The following CACNA1I variants were observed in gnomAD, a reference collection of about 807,000 sequenced individuals.
CACNA1I encodes voltage-dependent T-type calcium channel subunit alpha-1I.
A neutral mutation model predicts 201.6 loss-of-function variants in CACNA1I; 74 were observed. The ratio of observed to expected loss-of-function variants is 0.37; its 90% CI spans 0.30 to 0.45. CACNA1I has a LOEUF of 0.45. CACNA1I is among the 20% of genes least tolerant of loss of function. CACNA1I has a pLI of 1.00. For synonymous variants in CACNA1I, 1,431 were observed against 1,345.2 expected, an observed-to-expected ratio of 1.06 and a Z score of -1.40; for missense variants, 2,346 against 3,138.1, an observed-to-expected ratio of 0.75 and a Z score of 6.03.
rs1371908827 is a variant in CACNA1I, at chr22:39,685,458, G to A, written c.6028-303G>A. Among the ~76,000 whole-genome samples the A allele has an allele frequency of 6.6e-6, 1 of 151,926 alleles. No homozygotes were observed. The highest frequency in any genetic ancestry group is 1.5e-5 in the Non-Finnish European group (1 of 67,920). On this transcript the variant is annotated intron_variant, in intron 36 of 36. Coordinates refer to ENST00000402142, the MANE Select transcript of CACNA1I (RefSeq NM_021096.4). The surrounding 1 kb of genome is among the most constrained non-coding windows in gnomAD (Gnocchi z 5.0). ...GTGCGGTGGGGGTGCCACGTGCCCT[G>A]GGGGAGGGCGGTGGGCCCAGGGCTT...
At position 39,677,887 on chromosome 22, in the gene CACNA1I, G is replaced by A. The variant is rs1405016062; in HGVS notation, c.4934-100G>A. 3.4e-5 allele frequency: 45 copies of A among 1,340,854 alleles called. No individual in the cohort carries two copies. Among genetic ancestry groups the A allele is most frequent in the Middle Eastern group, 2.6e-4 (1 of 3,852 alleles). The allele number at this position is 1,340,854 out of a possible 1,614,324, so 83.1% of individuals were successfully genotyped here. On this transcript the variant is annotated intron_variant, in intron 30 of 36. Transcript: ENST00000402142. The surrounding 1 kb of genome is among the most constrained non-coding windows in gnomAD (Gnocchi z 4.8). The stretch of plus-strand genomic sequence containing the variant: ...GCACAGTCTGCAGGCCCCTCCTAGG[G>A]TGTGATGAGGGTTCTGAGGCGAGGC...
At chr22:39,598,451 C>G (rs1932944902) in intron 2 of CACNA1I, among the ~76,000 whole-genome samples, 189 bp downstream of exon 2, 1 of 151,796 alleles carries the variant, frequency 6.6e-6, no homozygotes, top group Admixed American at 6.6e-5. Context: ...CACCACCAGC[C>G]GCACTCACTT....
intron 4 of CACNA1I, among the ~76,000 whole-genome samples, chr22:39,628,353 G>A (rs1011402925): frequency 6.6e-6 from 1 of 152,160 alleles, no homozygotes; most frequent in East Asian, 1.9e-4. Flanking sequence ...GATGGGAAAG[G>A]GTGCCTACCT....
chr22:39,623,323 A>G (rs1933804191), intron 4 of CACNA1I, among the ~76,000 whole-genome samples: 1 of 151,384 alleles, frequency 6.6e-6, no homozygotes, highest in Non-Finnish European at 1.5e-5. Context: ...AGTACATGGG[A>G]GAGTGTGTGT....
intron 4 of CACNA1I, among the ~76,000 whole-genome samples, chr22:39,632,328 G>A (rs1368925040): frequency 5.3e-5 from 8 of 152,118 alleles, no homozygotes; most frequent in African/African-American, 1.9e-4. Flanking sequence ...CGAGGGTTCT[G>A]CTTGCTTAGA....
chr22:39,652,312 G>A (rs529495285), intron 10 of CACNA1I, among the ~76,000 whole-genome samples: 1 of 152,312 alleles, frequency 6.6e-6, no homozygotes, highest in Admixed American at 6.5e-5. Flanking sequence ...AGCCTCTTCT[G>A]GGAGCAGCAG....
In CACNA1I at chr22:39,686,441, C is replaced by G. The variant is rs907696570; in HGVS notation, c.*36C>G. The G allele has an allele frequency of 6.2e-5, 74 of 1,202,196 alleles. No individual in the cohort carries two copies. The highest frequency in any genetic ancestry group is 4.1e-5 in the Non-Finnish European group (39 of 960,130). 74.5% of individuals were successfully genotyped at this position (1,202,196 alleles called of 1,614,324 possible). A position where few individuals can be genotyped will look rare whatever the true frequency, so the allele number is the denominator to read the frequency against. ...GGCCCCCGGCCGCCCACCGCCCGCCCCGTCTCACCTTCTTTACCTCAGGAG... is the reference window on the plus strand; with the variant it reads ...GGCCCCCGGCCGCCCACCGCCCGCCGCGTCTCACCTTCTTTACCTCAGGAG... On this transcript the variant is annotated 3_prime_UTR_variant, in exon 37 of 37. Coordinates refer to ENST00000402142, the MANE Select transcript of CACNA1I (RefSeq NM_021096.4).
Position 39,614,046 on chromosome 22 carries a change from C to A in CACNA1I, c.483-5264C>A, listed in dbSNP as rs143325481. Among the ~76,000 whole-genome samples, 1,324 of 152,148 alleles carry A rather than the reference C, an allele frequency of 8.7e-3. 17 individuals are homozygous for A. Among genetic ancestry groups the A allele is most frequent in the African/African-American group, 0.031 (1,276 of 41,514 alleles). ...TATTTTTAGTAGAGACAGGGTTTTG[C>A]CATGTTAGCCAGGCTGGTCTTGAAC... is the stretch of plus-strand genomic sequence containing the variant. On this transcript the variant is annotated intron_variant, in intron 3 of 36. Coordinates refer to ENST00000402142, the MANE Select transcript of CACNA1I (RefSeq NM_021096.4).
rs899247827 is a variant in CACNA1I, at chr22:39,684,849, C to T, written c.6027+351C>T. 6.1e-6 allele frequency: 3 copies of T among 489,684 alleles called. No homozygotes were observed. Among genetic ancestry groups the T allele is most frequent in the Admixed American group, 3.5e-5 (1 of 28,756 alleles). 30.3% of individuals were successfully genotyped at this position (489,684 alleles called of 1,614,324 possible). On this transcript the variant is annotated intron_variant, in intron 36 of 36. Transcript: ENST00000402142. The surrounding 1 kb of genome is among the most constrained non-coding windows in gnomAD (Gnocchi z 4.6). Reference sequence around the variant, plus strand: ...GGGTGCTGGCAGTGGGGAGGACACCCTGGGTGCTCTGGGTGGGTGTGAGTG... The same window carrying T: ...GGGTGCTGGCAGTGGGGAGGACACCTTGGGTGCTCTGGGTGGGTGTGAGTG...
chr22:39,635,341 G>T (rs73885293), intron 5 of CACNA1I, among the ~76,000 whole-genome samples: 301 of 151,594 alleles, frequency 2.0e-3, no homozygotes, highest in African/African-American at 6.5e-3. Flanking sequence ...GCGGCAGAAG[G>T]GGGGGGGTCC....
At chr22:39,668,943 A>T (rs1401627284) in intron 24 of CACNA1I, among the ~76,000 whole-genome samples, 1 of 152,098 alleles carries the variant, frequency 6.6e-6, no homozygotes, top group Admixed American at 6.5e-5. Context: ...TTGTCAGTGC[A>T]GCTTCCTGAG....
At chr22:39,614,610 G>A (rs1933477099) in intron 3 of CACNA1I, among the ~76,000 whole-genome samples, 1 of 152,340 alleles carries the variant, frequency 6.6e-6, no homozygotes, top group South Asian at 2.1e-4. Flanking sequence ...CTGGGATCAC[G>A]TGCCTATCCT....
Position 39,641,137 on chromosome 22 carries a change from C to T in CACNA1I, c.1011C>T (p.Ala337=), listed in dbSNP as rs1934342217. ...RTGSANPHKG[A]INFDNIGYAW... ...GCAGCGCCAACCCCCACAAGGGTGC[C>T]ATCAACTTTGACAACATCGGTTATG... Residue 337 remains alanine, a synonymous_variant, in exon 6 of 37, where the codon GCC becomes GCT. Coordinates refer to ENST00000402142, the MANE Select transcript of CACNA1I (RefSeq NM_021096.4). 1 of 1,613,876 alleles carries T rather than the reference C, an allele frequency of 6.2e-7. No homozygotes were observed.
intron 1 of CACNA1I, among the ~76,000 whole-genome samples, chr22:39,595,817 T>C (rs1199226503): frequency 1.3e-5 from 2 of 151,842 alleles, no homozygotes; most frequent in East Asian, 3.9e-4. Context: ...CCGACAGATG[T>C]TCATTGAACA....
At chr22:39,598,954 T>TTTG (rs1266869759) in intron 2 of CACNA1I, among the ~76,000 whole-genome samples, 1 of 132,868 alleles carries the variant, frequency 7.5e-6, no homozygotes, top group Non-Finnish European at 1.6e-5. Flanking sequence ...TTTTTTTTTT[T>TTTG]TTTTTTTTTT....
At chr22:39,630,090 TC>T (rs1412235934) in intron 4 of CACNA1I, among the ~76,000 whole-genome samples, 1 of 152,092 alleles carries the variant, frequency 6.6e-6, no homozygotes, top group Non-Finnish European at 1.5e-5. Context: ...TAGGCCTTTG[TC>T]CAGGCTGCCT....
rs1204281598 is a variant in CACNA1I at position 39,686,274 on chromosome 22, G to A, written c.6541G>A (p.Ala2181Thr). ...AHGLARSPSW[A>T]ADRSKDPPGR... Reference sequence around the variant, plus strand: ...CGGCCTGGCCCGGAGCCCCTCGTGGGCCGCGGACCGCAGCAAGGACCCCCC... The same window carrying A: ...CGGCCTGGCCCGGAGCCCCTCGTGGACCGCGGACCGCAGCAAGGACCCCCC... Residue 2181 changes from alanine to threonine, a missense_variant, in exon 37 of 37, where the codon GCC (alanine) becomes ACC (threonine). By Grantham distance (58) the Ala-to-Thr change is moderately conservative. This residue lies in a region of CACNA1I where 187 missense variants were observed against 151.0 expected (regional missense o/e 1.24). Transcript: ENST00000402142. 7.6e-7 allele frequency: 1 copy of A among 1,309,768 alleles called. No individual in the cohort carries two copies. The highest frequency in any genetic ancestry group is 9.7e-7 in the Non-Finnish European group (1 of 1,026,110). The allele number at this position is 1,309,768 out of a possible 1,614,324, so 81.1% of individuals were successfully genotyped here.
rs927941344 is a variant in CACNA1I at position 39,664,266 on chromosome 22, A to G, written c.3666+107A>G. 6 of 932,134 alleles carry G rather than the reference A, an allele frequency of 6.4e-6. No individual in the cohort carries two copies. In the Admixed American group the frequency reaches 8.3e-5, roughly 13 times the overall value. 57.7% of individuals were successfully genotyped at this position (932,134 alleles called of 1,614,324 possible). On this transcript the variant is annotated intron_variant, in intron 20 of 36. Transcript: ENST00000402142. ...ACTCGCCTGCCATCGGCTTCATTTC[A>G]CTCGTAGCCCCATGGCCCACCCCTC...
In CACNA1I at chr22:39,685,582, A is replaced by C. The variant is rs1332515515; in HGVS notation, c.6028-179A>C. Among the ~76,000 whole-genome samples, 1 of 151,854 alleles carries C rather than the reference A, an allele frequency of 6.6e-6. No individual in the cohort carries two copies. Among genetic ancestry groups the C allele is most frequent in the Non-Finnish European group, 1.5e-5 (1 of 67,926 alleles). Reference sequence around the variant, plus strand: ...CTCCTCTCGGGGGACCTCTCGGGGCAGGTGAAGGCCCTGCGGTGACGCCGC... The same window carrying C: ...CTCCTCTCGGGGGACCTCTCGGGGCCGGTGAAGGCCCTGCGGTGACGCCGC... On this transcript the variant is annotated intron_variant, in intron 36 of 36. Transcript: ENST00000402142. The surrounding 1 kb of genome is among the most constrained non-coding windows in gnomAD (Gnocchi z 5.0).
Sources: allele counts gnomAD v4.1 joint callset (sites outside exome capture counted in the v4.1 genomes callset), GRCh38; gene constraint gnomAD v4.1.1; regional missense constraint gnomAD v4.1.1; non-coding constraint Gnocchi (gnomAD v3.1); transcripts MANE v1.5; gene names NCBI Gene and HGNC (gene_info 2026-07-23, HGNC 2026-07-21).